The following ZNF638 variants were observed in gnomAD, a reference collection of about 807,000 sequenced individuals.
The protein encoded by ZNF638 is zinc finger protein 638.
Under a neutral mutation model 195.6 loss-of-function variants are expected in ZNF638, and 46 were observed. The observed-to-expected ratio is 0.24, with a 90% CI of 0.19 to 0.30. The LOEUF (loss-of-function observed/expected upper bound fraction) is 0.30. Among genes scored for constraint, ZNF638 ranks in the 10% least tolerant of loss-of-function variants. ZNF638 has a pLI of 1.00. For synonymous variants in ZNF638, 845 were observed against 772.0 expected, an observed-to-expected ratio of 1.09 and a Z score of -1.57; for missense variants, 2,440 against 2,325.3, an observed-to-expected ratio of 1.05 and a Z score of -1.01.
At chr2:71,348,466 T>G (rs1324631586) in intron 1 of ZNF638, 6 of 1,018,520 alleles carry the variant, frequency 5.9e-6, no homozygotes, top group Admixed American at 5.2e-5. Flanking sequence ...TTTTCAAGAT[T>G]ATGTAAAAGG....
intron 3 of ZNF638, among the ~76,000 whole-genome samples, chr2:71,358,358 G>T (rs1432207383): frequency 6.6e-6 from 1 of 152,188 alleles, no homozygotes; most frequent in Non-Finnish European, 1.5e-5. Context: ...CACCATTCAA[G>T]AATCCATTTT....
In ZNF638 at chr2:71,350,054, G is replaced by C. The variant is rs2078915373; in HGVS notation, c.1100G>C (p.Arg367Thr). 1 of 1,614,180 alleles carries C rather than the reference G, an allele frequency of 6.2e-7. No individual in the cohort carries two copies. Among genetic ancestry groups the C allele is most frequent in the African/African-American group, 1.3e-5 (1 of 75,050 alleles). Residue 367 changes from arginine to threonine, a missense_variant, in exon 2 of 28, where the codon AGA (arginine) becomes ACA (threonine). By Grantham distance (71) the Arg-to-Thr change is moderately conservative. This residue lies in a region of ZNF638 where 305 missense variants were observed against 283.6 expected (regional missense o/e 1.08). Coordinates refer to ENST00000264447, the MANE Select transcript of ZNF638 (RefSeq NM_014497.5). ...TCATCTAACGTACATGTTGGATCAAGAGGAAGTAAAAAGAATTACCAGTCA... is the reference window on the plus strand; with the variant it reads ...TCATCTAACGTACATGTTGGATCAACAGGAAGTAAAAAGAATTACCAGTCA... ...INSSNVHVGSRGSKKNYQSQA... is the reference protein window; with the variant it reads ...INSSNVHVGSTGSKKNYQSQA...
Position 71,422,935 on chromosome 2 carries a change from G to A in ZNF638, c.3421G>A (p.Val1141Ile). ...STPSIQTETL[V>I]QQEEPCEEEA... ...TCCCAGCATTCAAACAGAAACTTTG[G>A]TACAGCAGGAAGAGCCTTGTGAGGA... The change falls in exon 22 of 28, where the codon GTA (valine) becomes ATA (isoleucine). Residue 1141 changes from valine (V) to isoleucine (I), a missense_variant. Physicochemically the swap from Val to Ile is conservative, Grantham distance 29 (BLOSUM62 3). Coordinates refer to ENST00000264447, the MANE Select transcript of ZNF638 (RefSeq NM_014497.5). 6.2e-7 allele frequency: 1 copy of A among 1,614,098 alleles called. No individual in the cohort carries two copies. The highest frequency in any genetic ancestry group is 1.1e-5 in the South Asian group (1 of 91,086).
intron 4 of ZNF638, among the ~76,000 whole-genome samples, chr2:71,363,452 C>T (rs1214791636): frequency 6.6e-6 from 1 of 150,984 alleles, no homozygotes; most frequent in South Asian, 2.1e-4. Context: ...TTGTAAATGC[C>T]TTGAATGCTA....
At chr2:71,419,974 C>CCCCTTTTTTT (rs1189202093) in intron 21 of ZNF638, among the ~76,000 whole-genome samples, 4 of 27,020 alleles carry the variant, frequency 1.5e-4, no homozygotes, top group African/African-American at 6.4e-4. Context: ...CCCCCCCCGC[C>CCCCTTTTTTT]TTTTTTTTTT....
At chr2:71,420,610 G>C (rs60839832) in intron 21 of ZNF638, among the ~76,000 whole-genome samples, 14,029 of 152,204 alleles carry the variant, frequency 0.092, 1,321 homozygotes, top group East Asian at 0.55. Flanking sequence ...CTGGGATATT[G>C]GGGCTGGAGG....
chr2:71,381,472 T>C (rs1203344536), intron 10 of ZNF638, among the ~76,000 whole-genome samples: 1 of 152,084 alleles, frequency 6.6e-6, no homozygotes, highest in Admixed American at 6.6e-5. Context: ...AGATTTTAAA[T>C]TAGGTAACAT....
chr2:71,399,631 C>A lies in ZNF638; in HGVS notation c.2573C>A (p.Pro858His). 2 of 1,611,474 alleles carry A rather than the reference C, an allele frequency of 1.2e-6. No individual in the cohort carries two copies. The highest frequency in any genetic ancestry group is 1.7e-6 in the Non-Finnish European group (2 of 1,178,612). ...GTCAAAAACAAAGACTCTAACAAAC[C>A]TGTGACTATACCAGGTAAGCTTGAA... ...GNVKNKDSNKPVTIPENSEIK... is the reference protein window; with the variant it reads ...GNVKNKDSNKHVTIPENSEIK... Residue 858 changes from proline (P) to histidine (H), a missense_variant, in exon 13 of 28, where the codon CCT becomes CAT. Physicochemically the swap from Pro to His is moderately conservative, Grantham distance 77. Transcript: ENST00000264447.
intron 10 of ZNF638, among the ~76,000 whole-genome samples, chr2:71,385,073 A>G (rs978239952): frequency 9.9e-5 from 15 of 152,218 alleles, no homozygotes; most frequent in African/African-American, 3.4e-4. Context: ...AGGCTAATAC[A>G]TCAAATACTG....
chr2:71,399,295 G>A (rs144795530), intron 12 of ZNF638, among the ~76,000 whole-genome samples: 8 of 152,192 alleles, frequency 5.3e-5, no homozygotes, highest in South Asian at 2.1e-4. Flanking sequence ...TTATTTTTGC[G>A]TGTGTGTGAT....
chr2:71,388,984 A>G (rs530449940), intron 10 of ZNF638, among the ~76,000 whole-genome samples: 1 of 152,262 alleles, frequency 6.6e-6, no homozygotes, highest in Admixed American at 6.5e-5. Flanking sequence ...AATCTTAAAC[A>G]ATACCATAAA....
At chr2:71,337,840 T>C (rs980245376) in intron 1 of ZNF638, among the ~76,000 whole-genome samples, 4 of 142,464 alleles carry the variant, frequency 2.8e-5, no homozygotes, top group African/African-American at 1.0e-4. Context: ...TGTTATGTCT[T>C]TTTAATCTTC....
At chr2:71,353,125 A>T (rs1246092917) in intron 2 of ZNF638, among the ~76,000 whole-genome samples, 1 of 152,228 alleles carries the variant, frequency 6.6e-6, no homozygotes, top group Non-Finnish European at 1.5e-5. Flanking sequence ...GAAGCCAATA[A>T]ATGTAAATTA....
chr2:71,355,583 C>A, intron 2 of ZNF638, 136 bp from the exon 3 acceptor site: 1 of 606,216 alleles, frequency 1.6e-6, no homozygotes, highest in Non-Finnish European at 2.8e-6. Context: ...GAAAATTTTA[C>A]TGAGCAGCCA....
rs766768102 is a variant in ZNF638, at chr2:71,400,480, G to T, written c.2659G>T (p.Ala887Ser). The change falls in exon 15 of 28, where the codon GCT becomes TCT. Residue 887 changes from alanine to serine, a missense_variant and splice_region_variant. Ala to Ser is a moderately conservative substitution (Grantham distance 99, BLOSUM62 1). Around this residue, in one of 5 missense-constraint regions of ZNF638, gnomAD observed 1,883 missense variants for 1,739.1 expected, o/e 1.08. Coordinates refer to ENST00000264447, the MANE Select transcript of ZNF638 (RefSeq NM_014497.5). ...TTTTAATTTTATTTTGTATTAAGATGCTGCTTTGGAGGCCACAGAGAATGA... is the reference window on the plus strand; with the variant it reads ...TTTTAATTTTATTTTGTATTAAGATTCTGCTTTGGAGGCCACAGAGAATGA... ...ENCAKEAISD[A>S]ALEATENEPL... is the part of the protein sequence containing the mutation. 5.0e-6 allele frequency: 8 copies of T among 1,604,086 alleles called. No individual in the cohort carries two copies. Among genetic ancestry groups the T allele is most frequent in the Admixed American group, 1.7e-5 (1 of 57,438 alleles).
At chr2:71,361,810 T>C (rs2104257865) in intron 3 of ZNF638, 2 of 28,502 alleles carry the variant, frequency 7.0e-5, no homozygotes, top group Middle Eastern at 0.021. Context: ...AAAGCAAATA[T>C]TTAGCTTTTT....
intron 15 of ZNF638, 48 bp from the exon 16 acceptor site, chr2:71,401,908 A>G (rs1447600135): frequency 2.0e-6 from 3 of 1,499,556 alleles, no homozygotes; most frequent in Non-Finnish European, 2.7e-6. Context: ...TTAAGTAAAT[A>G]TGAAACAAAG....
chr2:71,381,065 C>T (rs2670716), intron 10 of ZNF638, among the ~76,000 whole-genome samples: 137,322 of 152,172 alleles, frequency 0.9, 62,038 homozygotes, highest in Admixed American at 0.92. Flanking sequence ...ATTATGAATC[C>T]AGTTAAATAA....
At chr2:71,392,030 T>G (rs1456143388) in intron 10 of ZNF638, among the ~76,000 whole-genome samples, 1 of 152,240 alleles carries the variant, frequency 6.6e-6, no homozygotes, top group African/African-American at 2.4e-5. Context: ...TTTGGCTATA[T>G]CCAGCTAGTT....
Sources: allele counts gnomAD v4.1 joint callset (sites outside exome capture counted in the v4.1 genomes callset), GRCh38; gene constraint gnomAD v4.1.1; regional missense constraint gnomAD v4.1.1; transcripts MANE v1.5; gene names NCBI Gene and HGNC (gene_info 2026-07-23, HGNC 2026-07-21).